The following TBCK variants were observed in gnomAD, a reference collection of about 807,000 sequenced individuals.
TBCK encodes the protein TBC domain-containing protein kinase-like protein.
In TBCK, 99 loss-of-function variants were observed where a neutral mutation model predicts 113.4. The observed-to-expected ratio is 0.87, with a 90% CI of 0.74 to 1.03. The LOEUF (loss-of-function observed/expected upper bound fraction) is 1.03. Ranked by LOEUF, TBCK falls within the 50% of genes least tolerant of loss-of-function variation. The pLI, the probability that TBCK is intolerant of heterozygous loss-of-function variation, is 0.00. For synonymous variants in TBCK, 369 were observed against 370.8 expected, an observed-to-expected ratio of 1.00 and a Z score of 0.05; for missense variants, 1,045 against 1,061.3, an observed-to-expected ratio of 0.98 and a Z score of 0.21.
chr4:106,118,819 A>G (rs1435854653), intron 23 of TBCK, among the ~76,000 whole-genome samples: 1 of 152,200 alleles, frequency 6.6e-6, no homozygotes, highest in African/African-American at 2.4e-5. Context: ...CAAATGTATC[A>G]TATGGGAGGA....
At chr4:106,203,794 A>G (rs766735292) in intron 20 of TBCK, among the ~76,000 whole-genome samples, 5 of 152,138 alleles carry the variant, frequency 3.3e-5, no homozygotes, top group Non-Finnish European at 7.4e-5. Context: ...AACATAATTC[A>G]TTCTAATTTA....
At chr4:106,178,521 T>C (rs571497453) in intron 22 of TBCK, among the ~76,000 whole-genome samples, 1 of 151,980 alleles carries the variant, frequency 6.6e-6, no homozygotes, top group African/African-American at 2.4e-5. Context: ...ATTTTTATCA[T>C]GAAGGAATGT....
At position 106,218,355 on chromosome 4, in the gene TBCK, C is replaced by G. The variant is rs879508168; in HGVS notation, c.1775-5520G>C. ...CACCAAAAGCAATGGCAACAAAAGA[C>G]AAAATTGACAAATGGGATCTAATTA... On this transcript the variant is annotated intron_variant, in intron 19 of 25. Coordinates refer to ENST00000394708, the MANE Select transcript of TBCK (RefSeq NM_001163435.3). 2.7e-3 allele frequency among the ~76,000 whole-genome samples: 402 copies of G among 149,814 alleles called. 1 individual carries two copies. Among genetic ancestry groups the G allele is most frequent in the Non-Finnish European group, 4.8e-3 (320 of 66,908 alleles).
At chr4:106,298,424 A>G (rs1021619303) in intron 2 of TBCK, among the ~76,000 whole-genome samples, 2 of 151,242 alleles carry the variant, frequency 1.3e-5, no homozygotes, top group African/African-American at 4.9e-5. Context: ...ACACAGTGAA[A>G]CCTTGTCTCT....
intron 3 of TBCK, among the ~76,000 whole-genome samples, chr4:106,281,992 T>C (rs1330746934): frequency 1.3e-5 from 2 of 152,132 alleles, no homozygotes; most frequent in African/African-American, 4.8e-5. Flanking sequence ...CTAACTTTTC[T>C]GGAAAAGTTT....
At chr4:106,270,672 A>G (rs994618839) in intron 3 of TBCK, among the ~76,000 whole-genome samples, 20 of 152,312 alleles carry the variant, frequency 1.3e-4, no homozygotes, top group African/African-American at 4.8e-4. Context: ...TAAGTGGACT[A>G]ATATTTTAGA....
At chr4:106,084,566 C>T (rs1418168712) in intron 25 of TBCK, among the ~76,000 whole-genome samples, 3 of 152,018 alleles carry the variant, frequency 2.0e-5, no homozygotes, top group Non-Finnish European at 4.4e-5. Flanking sequence ...GACCAACATG[C>T]AAATCAGGAA....
At chr4:106,186,190 A>G (rs1560783301) in intron 22 of TBCK, among the ~76,000 whole-genome samples, 1 of 152,146 alleles carries the variant, frequency 6.6e-6, no homozygotes. Flanking sequence ...GTTGTGATGA[A>G]CATACACATG....
chr4:106,117,934 G>A (rs894229218), intron 23 of TBCK, among the ~76,000 whole-genome samples: 6 of 151,682 alleles, frequency 4.0e-5, no homozygotes, highest in African/African-American at 9.7e-5. Context: ...GCGTGAACCC[G>A]GGAGGCGGAG....
chr4:106,171,166 C>A lies in TBCK; in HGVS notation c.2164G>T (p.Asp722Tyr). ...QHAQPPKPSS[D>Y]SSGGRSSAPY... ...GCCGAACTTCTGCCTCCACTGCTGTCAGAAGATGGCTTTGGAGGTTGAGCA... is the reference window on the plus strand; with the variant it reads ...GCCGAACTTCTGCCTCCACTGCTGTAAGAAGATGGCTTTGGAGGTTGAGCA... Residue 722 changes from aspartate (D) to tyrosine (Y), a missense_variant, in exon 23 of 26, where the codon GAC (aspartate) becomes TAC (tyrosine). Transcript: ENST00000394708. 1 of 1,612,838 alleles carries A rather than the reference C, an allele frequency of 6.2e-7. No homozygotes were observed. The highest frequency in any genetic ancestry group is 8.5e-7 in the Non-Finnish European group (1 of 1,179,404).
At chr4:106,123,372 A>G (rs1317821691) in intron 23 of TBCK, among the ~76,000 whole-genome samples, 3 of 152,222 alleles carry the variant, frequency 2.0e-5, no homozygotes, top group Non-Finnish European at 4.4e-5. Flanking sequence ...GAAATAAAAG[A>G]GGATACAAAC....
intron 25 of TBCK, among the ~76,000 whole-genome samples, chr4:106,092,011 G>C (rs1250943548): frequency 6.6e-6 from 1 of 152,196 alleles, no homozygotes; most frequent in Non-Finnish European, 1.5e-5. Context: ...GATACAGAGT[G>C]CTGATTGGTG....
intron 20 of TBCK, among the ~76,000 whole-genome samples, chr4:106,196,457 T>TA: frequency 6.6e-6 from 1 of 151,994 alleles, no homozygotes; most frequent in Non-Finnish European, 1.5e-5. Context: ...ACCTAGCAAT[T>TA]ATGAATTTAT....
chr4:106,055,972 T>C (rs946818059), intron 25 of TBCK, among the ~76,000 whole-genome samples: 2 of 151,352 alleles, frequency 1.3e-5, no homozygotes, highest in African/African-American at 4.8e-5. Flanking sequence ...ATGATAATTA[T>C]GGAAAATGAA....
At chr4:106,076,664 C>G (rs1738230288) in intron 25 of TBCK, among the ~76,000 whole-genome samples, 1 of 152,140 alleles carries the variant, frequency 6.6e-6, no homozygotes, top group Non-Finnish European at 1.5e-5. Context: ...GCTCAGTAGA[C>G]CTTTCCGCAG....
chr4:106,262,120 T>C lies in TBCK; in HGVS notation c.359A>G (p.His120Arg), dbSNP rs905920761. The C allele has an allele frequency of 6.5e-7, 1 of 1,540,534 alleles. No individual in the cohort carries two copies. The highest frequency in any genetic ancestry group is 8.8e-7 in the Non-Finnish European group (1 of 1,140,208). The change falls in exon 4 of 26, where the codon CAT becomes CGT. Residue 120 changes from histidine (H) to arginine (R), a missense_variant. Transcript: ENST00000394708. ...HGIVHRALSPHNILLDRKGHI... is the reference protein window; with the variant it reads ...HGIVHRALSPRNILLDRKGHI... Reference sequence around the variant, plus strand: ...TACCTTTCGGTCCAACAGGATATTATGAGGAGACAATGCCCTGTGTACTAT... The same window carrying C: ...TACCTTTCGGTCCAACAGGATATTACGAGGAGACAATGCCCTGTGTACTAT...
intron 21 of TBCK, among the ~76,000 whole-genome samples, chr4:106,194,178 C>A (rs1380629055): frequency 6.6e-6 from 1 of 151,960 alleles, no homozygotes. Context: ...TTTTTTGTAA[C>A]TTCCTTTTTC....
chr4:106,170,301 T>A (rs1221876241), intron 23 of TBCK, among the ~76,000 whole-genome samples: 1 of 152,162 alleles, frequency 6.6e-6, no homozygotes, highest in Non-Finnish European at 1.5e-5. Context: ...TCTCTCAGGA[T>A]ATTTTAGAAA....
chr4:106,136,262 T>G lies in TBCK; in HGVS notation c.2236-19884A>C, dbSNP rs187259816. 9.7e-4 allele frequency among the ~76,000 whole-genome samples: 136 copies of G among 140,910 alleles called. 22 individuals carry two copies. The highest frequency in any genetic ancestry group is 2.9e-3 in the Admixed American group (41 of 14,270). The allele number at this position is 140,910 out of a possible 152,430, so 92.4% of individuals were successfully genotyped here. A position where few individuals can be genotyped will look rare whatever the true frequency, so the allele number is the denominator to read the frequency against. Reference sequence around the variant, plus strand: ...AAATTAAAACAATAAATAATAAAACTACTCTTCAAGGAGTGAATCACTCCC... The same window carrying G: ...AAATTAAAACAATAAATAATAAAACGACTCTTCAAGGAGTGAATCACTCCC... On this transcript the variant is annotated intron_variant, in intron 23 of 25. Coordinates refer to ENST00000394708, the MANE Select transcript of TBCK (RefSeq NM_001163435.3).
Sources: gnomAD v4.1 joint callset for allele counts (sites outside exome capture counted in the v4.1 genomes callset) on GRCh38, gnomAD v4.1.1 for gene constraint, MANE v1.5 for transcripts, NCBI Gene and HGNC (gene_info 2026-07-23, HGNC 2026-07-21) for gene names.